SRSF6: variants seen among roughly 807,000 people sequenced by gnomAD.
SRSF6 encodes the protein serine/arginine-rich splicing factor 6.
A neutral mutation model predicts 42.0 loss-of-function variants in SRSF6; 17 were observed. That is an observed-to-expected ratio of 0.40 (90% CI 0.28 to 0.61). The LOEUF is 0.61. Among genes scored for constraint, SRSF6 ranks in the 20% least tolerant of loss-of-function variants. The probability of loss-of-function intolerance (pLI) is 0.37; values close to 1 mark genes in which losing one functional copy is unlikely to be tolerated. For synonymous variants in SRSF6, 204 were observed against 166.7 expected (o/e 1.22, Z -1.72); for missense variants, 379 against 471.4 (o/e 0.80, Z 1.81).
At position 43,461,178 on chromosome 20, in the gene SRSF6, A is replaced by G. The variant is rs2017583863; in HGVS notation, c.*115A>G. 1.4e-6 allele frequency: 2 copies of G among 1,396,986 alleles called. No individual in the cohort carries two copies. Among genetic ancestry groups the G allele is most frequent in the African/African-American group, 1.5e-5 (1 of 68,246 alleles). The allele number at this position is 1,396,986 out of a possible 1,614,324, so 86.5% of individuals were successfully genotyped here. On this transcript the variant is annotated 3_prime_UTR_variant, in exon 6 of 6. Transcript: ENST00000244020. Reference sequence around the variant, plus strand: ...AGGAATCTCTTGAAAACAGGGGCACACAGAAATTTGATTTGTGGCCAAATT... The same window carrying G: ...AGGAATCTCTTGAAAACAGGGGCACGCAGAAATTTGATTTGTGGCCAAATT...
chr20:43,460,366 CATT>C (rs2017564223), intron 4 of SRSF6, 125 bp downstream of exon 4: 1 of 1,338,420 alleles, frequency 7.5e-7, no homozygotes, highest in Non-Finnish European at 1.0e-6. Context: ...GGCTGTGCAT[CATT>C]GCGTTCTTTT....
rs1258276933 is a variant in SRSF6 at position 43,461,215 on chromosome 20, A to G, written c.*152A>G. On this transcript the variant is annotated 3_prime_UTR_variant, in exon 6 of 6. Coordinates refer to ENST00000244020, the MANE Select transcript of SRSF6 (RefSeq NM_006275.6). ...TTTGTGGCCAAATTGGATGAAAAAG[A>G]TGAGGCTCTAAGGAAATGGTGGCAT... 9 of 1,148,910 alleles carry G rather than the reference A, an allele frequency of 7.8e-6. No individual in the cohort carries two copies. The African/African-American group carries it at 8.0e-5, about 10-fold the overall frequency. 71.2% of individuals were successfully genotyped at this position (1,148,910 alleles called of 1,614,324 possible).
At chr20:43,458,275 GGC>G in intron 1 of SRSF6, 84 bp from the exon 2 acceptor site, 1 of 1,398,750 alleles carries the variant, frequency 7.1e-7, no homozygotes, top group Admixed American at 3.5e-5. Flanking sequence ...GCGTCGCGGG[GGC>G]GCGCGGTGGG....
chr20:43,462,754 C>T lies in SRSF6; in HGVS notation c.*1691C>T, dbSNP rs1162836764. 6.6e-6 allele frequency: 1 copy of T among 152,214 alleles called. No individual in the cohort carries two copies. The highest frequency in any genetic ancestry group is 1.5e-5 in the Non-Finnish European group (1 of 68,034). The allele number at this position is 152,214 out of a possible 1,614,324, so 9.4% of individuals were successfully genotyped here. A position where few individuals can be genotyped will look rare whatever the true frequency, so the allele number is the denominator to read the frequency against. On this transcript the variant is annotated 3_prime_UTR_variant, in exon 6 of 6. Transcript: ENST00000244020. ...CTGTTAAAAAATCTTAAAGCCCAACCTTAGGAATATAGTGCCCCAAAAGGC... is the reference window on the plus strand; with the variant it reads ...CTGTTAAAAAATCTTAAAGCCCAACTTTAGGAATATAGTGCCCCAAAAGGC...
rs771943592 is a variant in SRSF6, at chr20:43,460,014, G to C, written c.382-19G>C. The C allele has an allele frequency of 7.4e-6, 12 of 1,613,922 alleles. No individual in the cohort carries two copies. Among genetic ancestry groups the C allele is most frequent in the Non-Finnish European group, 1.0e-5 (12 of 1,179,946 alleles). On this transcript the variant is annotated intron_variant, in intron 3 of 5. Coordinates refer to ENST00000244020, the MANE Select transcript of SRSF6 (RefSeq NM_006275.6). ...TAGATGTTTTAAGATTTCCGAGTCT[G>C]ACCAATCTTGTCTTTCAGGATTTTA... is the stretch of plus-strand genomic sequence containing the variant.
chr20:43,459,567 T>C (rs781714444), intron 2 of SRSF6: 10 of 1,292,480 alleles, frequency 7.7e-6, no homozygotes, highest in Middle Eastern at 2.8e-4. Flanking sequence ...TAACAGATTG[T>C]AGGAGAGGTT....
In SRSF6 at chr20:43,463,895, AC is replaced by A. The variant is rs1194301528; in HGVS notation, c.*2833del. On this transcript the variant is annotated 3_prime_UTR_variant, in exon 6 of 6. Transcript: ENST00000244020. The stretch of plus-strand genomic sequence containing the variant: ...AGTACAAGAGAGTACCATAACAAAT[AC>A]AATTTTATTTACAAATATACATGGT... 1 of 152,260 alleles carries A rather than the reference AC, an allele frequency of 6.6e-6. No homozygotes were observed. The allele number at this position is 152,260 out of a possible 1,614,324, so 9.4% of individuals were successfully genotyped here.
Position 43,458,073 on chromosome 20 carries a change from C to T in SRSF6, c.40C>T (p.Arg14Trp), listed in dbSNP as rs754470243. 2 of 1,613,448 alleles carry T rather than the reference C, an allele frequency of 1.2e-6. No individual in the cohort carries two copies. Among genetic ancestry groups the T allele is most frequent in the South Asian group, 1.1e-5 (1 of 91,056 alleles). Residue 14 changes from arginine (R) to tryptophan (W), a missense_variant, in exon 1 of 6, where the codon CGG (arginine) becomes TGG (tryptophan). Around this residue, in one of 3 missense-constraint regions of SRSF6, gnomAD observed 117 missense variants for 146.8 expected, o/e 0.80. Coordinates refer to ENST00000244020, the MANE Select transcript of SRSF6 (RefSeq NM_006275.6). ...CATAGGACGCCTGAGCTACAACGTC[C>T]GGGAGAAGGACATCCAGCGCTTTTT... The part of the protein sequence containing the change: ...VYIGRLSYNV[R>W]EKDIQRFFSG...
chr20:43,461,981 T>C lies in SRSF6; in HGVS notation c.*918T>C, dbSNP rs977463402. 1.3e-5 allele frequency: 2 copies of C among 152,178 alleles called. No homozygotes were observed. Among genetic ancestry groups the C allele is most frequent in the East Asian group, 1.9e-4 (1 of 5,196 alleles). 9.4% of individuals were successfully genotyped at this position (152,178 alleles called of 1,614,324 possible). On this transcript the variant is annotated 3_prime_UTR_variant, in exon 6 of 6. Transcript: ENST00000244020. ...TCATGTGGAAATGGAAGTAGCCTCTTTTTGTTCTGAAATTGAGTTTATTCA... is the reference window on the plus strand; with the variant it reads ...TCATGTGGAAATGGAAGTAGCCTCTCTTTGTTCTGAAATTGAGTTTATTCA...
intron 2 of SRSF6, chr20:43,459,537 A>C (rs755433425): frequency 3.5e-4 from 461 of 1,319,800 alleles, no homozygotes; most frequent in Non-Finnish European, 4.4e-4. Flanking sequence ...GGTAAATCGA[A>C]TAAAGGAGCA....
chr20:43,459,506 C>G (rs1256373043), intron 2 of SRSF6: 3 of 1,309,352 alleles, frequency 2.3e-6, no homozygotes, highest in Middle Eastern at 2.8e-4. Flanking sequence ...TTACAATGTT[C>G]TGTAAAATAA....
chr20:43,458,282 G>C (rs1432501305), intron 1 of SRSF6, 79 bp from the exon 2 acceptor site: 3 of 1,403,910 alleles, frequency 2.1e-6, no homozygotes, highest in Non-Finnish European at 2.8e-6. Context: ...GGGGGCGCGC[G>C]GTGGGGTACG....
rs200964273 is a variant in SRSF6, at chr20:43,460,892, T to C, written c.864T>C (p.Asp288=). 2 of 1,614,094 alleles carry C rather than the reference T, an allele frequency of 1.2e-6. No homozygotes were observed. The highest frequency in any genetic ancestry group is 4.5e-5 in the East Asian group (2 of 44,884). The stretch of plus-strand genomic sequence containing the variant: ...CCCCTAAAGAAAATGGAAAGGGTGA[T>C]ATAAAGTCAAAATCCAGATCAAGGA... The part of the protein sequence containing the change: ...SRSPKENGKG[D]IKSKSRSRSQ... Residue 288 remains aspartate, a synonymous_variant, in exon 6 of 6, where the codon GAT becomes GAC. Coordinates refer to ENST00000244020, the MANE Select transcript of SRSF6 (RefSeq NM_006275.6).
chr20:43,458,265 G>C, intron 1 of SRSF6, 96 bp from the exon 2 acceptor site: 1 of 1,394,660 alleles, frequency 7.2e-7, no homozygotes, highest in Non-Finnish European at 9.3e-7. Flanking sequence ...CGACGGCGCG[G>C]CGTCGCGGGG....
rs570683268 is a variant in SRSF6, at chr20:43,463,113, A to G, written c.*2050A>G. Reference sequence around the variant, plus strand: ...GGCTCTCTTGTTAATAGGACATCATATGGTAATAGACTGGTTTGACTATAT... The same window carrying G: ...GGCTCTCTTGTTAATAGGACATCATGTGGTAATAGACTGGTTTGACTATAT... On this transcript the variant is annotated 3_prime_UTR_variant, in exon 6 of 6. Coordinates refer to ENST00000244020, the MANE Select transcript of SRSF6 (RefSeq NM_006275.6). 2.6e-5 allele frequency: 4 copies of G among 152,804 alleles called. No homozygotes were observed. The highest frequency in any genetic ancestry group is 9.6e-5 in the African/African-American group (4 of 41,568). 9.5% of individuals were successfully genotyped at this position (152,804 alleles called of 1,614,324 possible). A position where few individuals can be genotyped will look rare whatever the true frequency, so the allele number is the denominator to read the frequency against.
At chr20:43,459,186 C>CTAAGA in intron 2 of SRSF6, 1 of 1,352,128 alleles carries the variant, frequency 7.4e-7, no homozygotes, top group Non-Finnish European at 9.8e-7. Flanking sequence ...TCCACTGAGG[C>CTAAGA]TAAGATGACT....
chr20:43,460,119 C>T lies in SRSF6; in HGVS notation c.468C>T (p.Tyr156=), dbSNP rs766922520. 2.2e-4 allele frequency: 362 copies of T among 1,614,056 alleles called. No homozygotes were observed. Among genetic ancestry groups the T allele is most frequent in the Non-Finnish European group, 2.9e-4 (343 of 1,180,038 alleles). The stretch of plus-strand genomic sequence containing the variant: ...AGGGTGTAATTGAGTTTCGCTCCTA[C>T]TCTGACATGAAGCGTGCTTTGGACA... ...TNEGVIEFRS[Y]SDMKRALDKL... is the part of the protein sequence containing the mutation. Residue 156 remains tyrosine (Y), a synonymous_variant, in exon 4 of 6, where the codon TAC becomes TAT. Transcript: ENST00000244020.
intron 2 of SRSF6, among the ~76,000 whole-genome samples, chr20:43,458,992 A>G (rs76126732): frequency 2.0e-5 from 3 of 152,172 alleles, no homozygotes; most frequent in African/African-American, 4.8e-5. Flanking sequence ...ATTGTACCAC[A>G]AAGTAGATCT....
chr20:43,460,351 G>A (rs2017563922), intron 4 of SRSF6, 110 bp downstream of exon 4: 3 of 1,389,144 alleles, frequency 2.2e-6, no homozygotes, highest in Middle Eastern at 1.8e-4. Flanking sequence ...CTTTTAGTTT[G>A]TTTTGGCTGT....
Sources: gnomAD v4.1 joint callset for allele counts (sites outside exome capture counted in the v4.1 genomes callset) on GRCh38, gnomAD v4.1.1 for gene constraint, gnomAD v4.1.1 regional missense constraint, MANE v1.5 for transcripts, NCBI Gene and HGNC (gene_info 2026-07-23, HGNC 2026-07-21) for gene names.